SYF2: variants seen among roughly 807,000 people sequenced by gnomAD.
The protein encoded by SYF2 is SYF2 pre-mRNA splicing factor, also known as pre-mRNA-splicing factor SYF2.
A neutral mutation model predicts 32.7 loss-of-function variants in SYF2; 21 were observed. That is an observed-to-expected ratio of 0.64 (90% CI 0.45 to 0.92). SYF2 has a LOEUF of 0.92. SYF2 is among the 40% of genes least tolerant of loss of function. The pLI, the probability that SYF2 is intolerant of heterozygous loss-of-function variation, is 0.00. For synonymous variants in SYF2, 114 were observed against 103.9 expected (o/e 1.10, Z -0.59); for missense variants, 278 against 296.5 (o/e 0.94, Z 0.46).
intron 5 of SYF2, among the ~76,000 whole-genome samples, chr1:25,226,147 C>CA (rs377438209): frequency 0.013 from 1,899 of 143,892 alleles, 35 homozygotes; most frequent in African/African-American, 0.044. Context: ...GATTCTATCT[C>CA]AAAAAAAAAA....
At chr1:25,229,584 G>T (rs751030950) in intron 2 of SYF2, among the ~76,000 whole-genome samples, 7 of 151,978 alleles carry the variant, frequency 4.6e-5, no homozygotes, top group Non-Finnish European at 1.0e-4. Flanking sequence ...AGACCAGGCT[G>T]GCCAACATGG....
intron 5 of SYF2, among the ~76,000 whole-genome samples, chr1:25,226,080 G>A (rs935146636): frequency 1.3e-5 from 2 of 151,916 alleles, no homozygotes; most frequent in African/African-American, 4.8e-5. Flanking sequence ...CCCAGGAGGC[G>A]GAGGCTGCAG....
intron 5 of SYF2, among the ~76,000 whole-genome samples, 178 bp downstream of exon 5, chr1:25,227,264 G>A (rs574135939): frequency 1.3e-5 from 2 of 152,286 alleles, no homozygotes; most frequent in East Asian, 1.9e-4. Flanking sequence ...TCCAGCCTGG[G>A]TGAGAAAGCA....
intron 4 of SYF2, 115 bp from the exon 5 acceptor site, chr1:25,227,647 CG>C: frequency 2.3e-6 from 2 of 881,938 alleles, no homozygotes; most frequent in Non-Finnish European, 3.4e-6. Context: ...CGCTTGGAAT[CG>C]GAAGTGTTTC....
chr1:25,228,790 T>G (rs1250915652), intron 3 of SYF2, among the ~76,000 whole-genome samples: 2 of 152,224 alleles, frequency 1.3e-5, no homozygotes, highest in Non-Finnish European at 2.9e-5. Flanking sequence ...TAATTATTGT[T>G]ACAGTCCCTG....
Position 25,223,264 on chromosome 1 carries a change from G to C in SYF2, c.*2C>G. On this transcript the variant is annotated 3_prime_UTR_variant, in exon 7 of 7. Coordinates refer to ENST00000236273, the MANE Select transcript of SYF2 (RefSeq NM_015484.5). The stretch of plus-strand genomic sequence containing the variant: ...AGCTTCTATAAACAGTTCTTGAAGG[G>C]ATTAGACAGCTGTTCCTCTTTCCAA... 6.2e-7 allele frequency: 1 copy of C among 1,612,492 alleles called. No individual in the cohort carries two copies. Among genetic ancestry groups the C allele is most frequent in the Non-Finnish European group, 8.5e-7 (1 of 1,179,650 alleles).
Position 25,223,121 on chromosome 1 carries a change from A to G in SYF2, c.*145T>C. The G allele has an allele frequency of 4.2e-6, 3 of 712,236 alleles. No homozygotes were observed. The highest frequency in any genetic ancestry group is 6.7e-6 in the Non-Finnish European group (3 of 451,124). The allele number at this position is 712,236 out of a possible 1,614,324, so 44.1% of individuals were successfully genotyped here. ...TACATGAAAGGATATACGTTTAAGA[A>G]ACCACATTTTTATTTCTAAATGCTG... On this transcript the variant is annotated 3_prime_UTR_variant, in exon 7 of 7. Coordinates refer to ENST00000236273, the MANE Select transcript of SYF2 (RefSeq NM_015484.5).
Position 25,223,373 on chromosome 1 carries a change from C to T in SYF2, c.625G>A (p.Asp209Asn), listed in dbSNP as rs751015251. The change falls in exon 7 of 7, where the codon GAC becomes AAC. Residue 209 changes from aspartate to asparagine, a missense_variant. Asp to Asn is a conservative substitution (Grantham distance 23). Transcript: ENST00000236273. ...RRPYNDDADIDYINERNAKFN... is the reference protein window; with the variant it reads ...RRPYNDDADINYINERNAKFN... ...TTGGCATTCCTTTCATTAATGTAGT[C>T]GATATCTGCATCATCATTATAAGGA... 3.8e-5 allele frequency: 61 copies of T among 1,613,810 alleles called. 1 individual carries two copies. In the South Asian group the frequency reaches 5.2e-4, roughly 14 times the overall value.
chr1:25,228,405 G>A (rs1424776590), intron 3 of SYF2, among the ~76,000 whole-genome samples, 170 bp from the exon 4 acceptor site: 2 of 152,178 alleles, frequency 1.3e-5, no homozygotes, highest in Non-Finnish European at 2.9e-5. Context: ...CGCGATCTCA[G>A]CTCACTGCAA....
At chr1:25,227,341 A>T (rs1638531764) in intron 5 of SYF2, 101 bp downstream of exon 5, 5 of 972,368 alleles carry the variant, frequency 5.1e-6, no homozygotes, top group Non-Finnish European at 7.8e-6. Context: ...ACTATTAATA[A>T]CCCATACCTT....
rs1638440897 is a variant in SYF2, at chr1:25,223,164, T to C, written c.*102A>G. On this transcript the variant is annotated 3_prime_UTR_variant, in exon 7 of 7. Transcript: ENST00000236273. ...AAATGCTGAGTGAGAAGGCATGGACTACTAAATTCTGGATTACTGATAAAA... is the reference window on the plus strand; with the variant it reads ...AAATGCTGAGTGAGAAGGCATGGACCACTAAATTCTGGATTACTGATAAAA... The C allele has an allele frequency of 1.8e-6, 2 of 1,096,718 alleles. No homozygotes were observed. The highest frequency in any genetic ancestry group is 3.1e-4 in the Middle Eastern group (1 of 3,178). The allele number at this position is 1,096,718 out of a possible 1,614,324, so 67.9% of individuals were successfully genotyped here.
At chr1:25,232,063 G>T in intron 2 of SYF2, 41 bp downstream of exon 2, 1 of 1,588,608 alleles carries the variant, frequency 6.3e-7, no homozygotes, top group Non-Finnish European at 8.6e-7. Context: ...GCACAGGCTT[G>T]GCCAGATGAC....
intron 2 of SYF2, 200 bp downstream of exon 2, chr1:25,231,904 T>C: frequency 1.5e-6 from 1 of 656,632 alleles, no homozygotes; most frequent in South Asian, 1.7e-5. Flanking sequence ...GGGGCTGGAG[T>C]GAACAGTTAT....
intron 6 of SYF2, 38 bp downstream of exon 6, chr1:25,224,964 A>G (rs774203774): frequency 7.2e-7 from 1 of 1,398,436 alleles, no homozygotes; most frequent in Non-Finnish European, 1.0e-6. Flanking sequence ...TTTGTCATGA[A>G]GTATTTACAA....
At chr1:25,227,221 T>TGAGACC (rs1638529786) in intron 5 of SYF2, among the ~76,000 whole-genome samples, 2 of 152,070 alleles carry the variant, frequency 1.3e-5, no homozygotes, top group Non-Finnish European at 2.9e-5. Context: ...TGGCGGAGGT[T>TGAGACC]GCAGTGAGCT....
chr1:25,223,531 A>G lies in SYF2; in HGVS notation c.567-100T>C, dbSNP rs994278797. 1.6e-5 allele frequency: 19 copies of G among 1,207,288 alleles called. No individual in the cohort carries two copies. In the African/African-American group the frequency reaches 2.3e-4, roughly 14 times the overall value. 74.8% of individuals were successfully genotyped at this position (1,207,288 alleles called of 1,614,324 possible). A position where few individuals can be genotyped will look rare whatever the true frequency, so the allele number is the denominator to read the frequency against. On this transcript the variant is annotated intron_variant, in intron 6 of 6. Coordinates refer to ENST00000236273, the MANE Select transcript of SYF2 (RefSeq NM_015484.5). Reference sequence around the variant, plus strand: ...AATATAATCACGTTTAGAATAGCACATGTTGTGAGGGCTAGAGGAAGCCAG... The same window carrying G: ...AATATAATCACGTTTAGAATAGCACGTGTTGTGAGGGCTAGAGGAAGCCAG...
In SYF2 at chr1:25,225,066, G is replaced by C; in HGVS notation, c.502C>G (p.Leu168Val). Residue 168 changes from leucine (L) to valine (V), a missense_variant, in exon 6 of 7, where the codon CTT becomes GTT. By Grantham distance (32) the Leu-to-Val change is conservative. Transcript: ENST00000236273. ...GTGGAAGGCACATGTGTTCCATGAA[G>C]AAGACTATTGGATGTTGGGAAAAAC... ...EEFFPTSNSL[L>V]HGTHVPSTEE... 2 of 1,614,084 alleles carry C rather than the reference G, an allele frequency of 1.2e-6. No homozygotes were observed. The highest frequency in any genetic ancestry group is 1.7e-6 in the Non-Finnish European group (2 of 1,179,974).
rs1638574581 is a variant in SYF2, at chr1:25,229,060, C to T, written c.196G>A (p.Ala66Thr). The T allele has an allele frequency of 6.2e-7, 1 of 1,613,862 alleles. No homozygotes were observed. The highest frequency in any genetic ancestry group is 1.1e-5 in the South Asian group (1 of 91,050). ...CGAGCTTTTTTGGCTTCCCAATTTG[C>T]AGGTAATTTTAGTCTTTTATCTTCT... Reference protein sequence around the residue: ...VEEDKRLKLPANWEAKKARLE... With the variant: ...VEEDKRLKLPTNWEAKKARLE... Residue 66 changes from alanine (A) to threonine (T), a missense_variant, in exon 3 of 7, where the codon GCA becomes ACA. Ala to Thr is a moderately conservative substitution (Grantham distance 58). Transcript: ENST00000236273.
At chr1:25,223,467 G>T (rs746771422) in intron 6 of SYF2, 36 bp from the exon 7 acceptor site, 46 of 1,590,040 alleles carry the variant, frequency 2.9e-5, no homozygotes, top group Non-Finnish European at 3.9e-5. Context: ...ATTCAAAATT[G>T]CCTTCTCTTT....
Sources: allele counts gnomAD v4.1 joint callset (sites outside exome capture counted in the v4.1 genomes callset), GRCh38; gene constraint gnomAD v4.1.1; transcripts MANE v1.5; gene names NCBI Gene and HGNC (gene_info 2026-07-23, HGNC 2026-07-21).